The following TP63 variants were observed in gnomAD, a reference collection of about 807,000 sequenced individuals.
TP63 encodes the protein tumor protein 63.
Under a neutral mutation model 82.8 loss-of-function variants are expected in TP63, and 17 were observed. The observed-to-expected ratio is 0.21, with a 90% CI of 0.14 to 0.31. TP63 has a LOEUF of 0.31. Ranked by LOEUF, TP63 falls within the 10% of genes least tolerant of loss-of-function variation. The pLI is 1.00. For synonymous variants in TP63, 330 were observed against 321.7 expected, an observed-to-expected ratio of 1.03 and a Z score of -0.28; for missense variants, 648 against 895.3, an observed-to-expected ratio of 0.72 and a Z score of 3.52.
chr3:189,602,339 A>G, the TP63 span, among the ~76,000 whole-genome samples: 11 of 152,178 alleles, frequency 7.2e-5, no homozygotes, highest in African/African-American at 2.4e-4. Flanking sequence ...TAGAAGAGAG[A>G]TATTAATGGA....
rs189766184 is a variant in TP63 at position 189,779,021 on chromosome 3, C to G, written c.325-29251C>G. The stretch of plus-strand genomic sequence containing the variant: ...TGTCTTTATATGACTTATAATGAAG[C>G]CTGACTTTGCTATGCATTTCTTTTT... On this transcript the variant is annotated intron_variant, in intron 3 of 13. Transcript: ENST00000264731. 2.8e-3 allele frequency among the ~76,000 whole-genome samples: 429 copies of G among 152,156 alleles called. 1 individual carries two copies. The highest frequency in any genetic ancestry group is 4.8e-3 in the Admixed American group (73 of 15,280).
intron 3 of TP63, among the ~76,000 whole-genome samples, chr3:189,796,986 A>G (rs1203320364): frequency 1.3e-5 from 2 of 152,104 alleles, no homozygotes; most frequent in Non-Finnish European, 2.9e-5. Flanking sequence ...TCAATTTAAA[A>G]TTCAGTCACT....
intron 1 of TP63, among the ~76,000 whole-genome samples, chr3:189,728,812 C>T (rs4131432): frequency 6.6e-6 from 1 of 152,126 alleles, no homozygotes; most frequent in African/African-American, 2.4e-5. Context: ...TTCAGGAGAA[C>T]AGCACAGGTG....
rs1721145752 is a variant in TP63, at chr3:189,892,756, CA to C, written c.1747-1449del. On this transcript the variant is annotated intron_variant, in intron 13 of 13. Coordinates refer to ENST00000264731, the MANE Select transcript of TP63 (RefSeq NM_003722.5). ...GCAGTGAGCCGAGATCACGCCACTG[CA>C]CTCCAGCCTGGGTGAAAGTGCAAGA... Among the ~76,000 whole-genome samples, 3 of 152,272 alleles carry C rather than the reference CA, an allele frequency of 2.0e-5. No homozygotes were observed. The East Asian group carries it at 5.8e-4, about 29-fold the overall frequency.
intron 1 of TP63, among the ~76,000 whole-genome samples, chr3:189,693,068 G>A (rs1319180408): frequency 2.0e-5 from 3 of 152,056 alleles, no homozygotes; most frequent in Non-Finnish European, 2.9e-5. Flanking sequence ...TATGTTACAG[G>A]TGCTTGTTAC....
chr3:189,658,891 T>A (rs1560090501), intron 1 of TP63, among the ~76,000 whole-genome samples: 1 of 152,038 alleles, frequency 6.6e-6, no homozygotes, highest in East Asian at 1.9e-4. Flanking sequence ...TGGACTTTGA[T>A]AATAATGTAT....
chr3:189,821,292 G>A (rs1728769082), intron 4 of TP63, among the ~76,000 whole-genome samples: 2 of 152,192 alleles, frequency 1.3e-5, no homozygotes, highest in South Asian at 4.1e-4. Context: ...TTGAATGTAT[G>A]TTTCCCTTGC....
chr3:189,796,598 A>G (rs928854770), intron 3 of TP63, among the ~76,000 whole-genome samples: 5 of 151,958 alleles, frequency 3.3e-5, no homozygotes, highest in Non-Finnish European at 5.9e-5. Context: ...GAAAGCATCA[A>G]ATGTTAACAT....
intron 3 of TP63, among the ~76,000 whole-genome samples, chr3:189,795,971 C>A (rs113057004): frequency 8.9e-4 from 135 of 152,082 alleles, no homozygotes; most frequent in Middle Eastern, 3.4e-3. Flanking sequence ...CTTATCAAAG[C>A]TAGGAACAAA....
chr3:189,821,488 C>T (rs761488988), intron 4 of TP63, among the ~76,000 whole-genome samples: 17 of 152,182 alleles, frequency 1.1e-4, no homozygotes, highest in Non-Finnish European at 2.5e-4. Context: ...AGCGTGCTTA[C>T]CACATGGAGG....
chr3:189,755,643 C>T (rs1722133226), intron 3 of TP63, among the ~76,000 whole-genome samples: 1 of 151,988 alleles, frequency 6.6e-6, no homozygotes, highest in African/African-American at 2.4e-5. Flanking sequence ...GTGCTATATG[C>T]TTAGAAGTGT....
Position 189,851,605 on chromosome 3 carries a change from G to A in TP63, c.580-12627G>A, listed in dbSNP as rs543937214. ...TAAATAAATAAAATAAAATGTGTTA[G>A]TTCCCCTTTGGAGCAGAAAGAAGTG... On this transcript the variant is annotated intron_variant, in intron 4 of 13. Transcript: ENST00000264731. Among the ~76,000 whole-genome samples, 50 of 152,100 alleles carry A rather than the reference G, an allele frequency of 3.3e-4. 1 individual carries two copies. Among genetic ancestry groups the A allele is most frequent in the African/African-American group, 1.2e-3 (48 of 41,516 alleles).
At chr3:189,670,574 TA>T (rs1714802824) in intron 1 of TP63, among the ~76,000 whole-genome samples, 1 of 151,902 alleles carries the variant, frequency 6.6e-6, no homozygotes, top group African/African-American at 2.4e-5. Context: ...GAAGAAATCA[TA>T]AAAGAAAATA....
At chr3:189,623,046 A>G in the TP63 span, among the ~76,000 whole-genome samples, 1 of 152,202 alleles carries the variant, frequency 6.6e-6, no homozygotes, top group Non-Finnish European at 1.5e-5. Flanking sequence ...ATGTCTCTCT[A>G]GCCCCTCTTT....
chr3:189,604,615 C>A, the TP63 span, among the ~76,000 whole-genome samples: 7 of 151,982 alleles, frequency 4.6e-5, no homozygotes, highest in Non-Finnish European at 1.0e-4. Context: ...GGAACCCGAC[C>A]CCTAGACAAC....
chr3:189,676,047 T>A (rs887669800), intron 1 of TP63, among the ~76,000 whole-genome samples: 1 of 152,268 alleles, frequency 6.6e-6, no homozygotes, highest in South Asian at 2.1e-4. Flanking sequence ...ATAAAAATTA[T>A]ATAGATTTAT....
At chr3:189,861,849 C>T (rs1717084472) in intron 4 of TP63, among the ~76,000 whole-genome samples, 1 of 152,124 alleles carries the variant, frequency 6.6e-6, no homozygotes, top group Admixed American at 6.6e-5. Context: ...GACTCATATA[C>T]CAGTTACTAA....
chr3:189,866,722 G>A lies in TP63; in HGVS notation c.807G>A (p.Gly269=). Residue 269 remains glycine (G), a synonymous_variant, in exon 6 of 14, where the codon GGG becomes GGA. Transcript: ENST00000264731. ...APPSHLIRVE[G]NSHAQYVEDP... Reference sequence around the variant, plus strand: ...CTAGTCATTTGATTCGAGTAGAGGGGAACAGCCATGCCCAGTATGTAGAAG... The same window carrying A: ...CTAGTCATTTGATTCGAGTAGAGGGAAACAGCCATGCCCAGTATGTAGAAG... The A allele has an allele frequency of 6.2e-7, 1 of 1,614,004 alleles. No homozygotes were observed. The highest frequency in any genetic ancestry group is 1.1e-5 in the South Asian group (1 of 91,072).
intron 1 of TP63, among the ~76,000 whole-genome samples, chr3:189,722,016 G>A (rs1719429780): frequency 6.6e-6 from 1 of 152,202 alleles, no homozygotes; most frequent in African/African-American, 2.4e-5. Flanking sequence ...AGAGAAGTAG[G>A]AAGGATGGAT....
Sources: allele counts gnomAD v4.1 joint callset (sites outside exome capture counted in the v4.1 genomes callset), GRCh38; gene constraint gnomAD v4.1.1; transcripts MANE v1.5; gene names NCBI Gene and HGNC (gene_info 2026-07-23, HGNC 2026-07-21).